Variants in DTWD2 observed in about 807,000 individuals in gnomAD.
DTWD2 encodes DTW motif tRNA-uridine aminocarboxypropyltransferase 2, also known as tRNA-uridine aminocarboxypropyltransferase 2.
DTWD2 carries 39 observed loss-of-function variants against 31.8 expected under a neutral mutation model. That is an observed-to-expected ratio of 1.22 (90% CI 0.95 to 1.60). The LOEUF (loss-of-function observed/expected upper bound fraction) is 1.60. Among genes scored for constraint, DTWD2 ranks in the 40% most tolerant of loss-of-function variants. DTWD2 has a pLI of 0.00. For synonymous variants in DTWD2, 180 were observed against 142.8 expected (o/e 1.26, Z -1.86); for missense variants, 515 against 381.5 (o/e 1.35, Z -2.92).
chr5:118,867,747 C>T (rs898517524), intron 4 of DTWD2, among the ~76,000 whole-genome samples: 1 of 152,004 alleles, frequency 6.6e-6, no homozygotes, highest in African/African-American at 2.4e-5. Flanking sequence ...AACCATAAAC[C>T]ACACTGCTGA....
intron 3 of DTWD2, among the ~76,000 whole-genome samples, chr5:118,929,739 C>CAGT (rs1351131697): frequency 5.9e-5 from 9 of 152,134 alleles, no homozygotes; most frequent in Non-Finnish European, 8.8e-5. Flanking sequence ...GGCTTGCAAA[C>CAGT]AGCAGTAGCC....
At chr5:118,861,449 A>G (rs1313125321) in intron 4 of DTWD2, among the ~76,000 whole-genome samples, 1 of 152,202 alleles carries the variant, frequency 6.6e-6, no homozygotes, top group African/African-American at 2.4e-5. Flanking sequence ...GTATTAAAGT[A>G]TTATCTTTAT....
intron 4 of DTWD2, among the ~76,000 whole-genome samples, chr5:118,912,188 G>A (rs1413949850): frequency 1.3e-5 from 2 of 152,218 alleles, no homozygotes; most frequent in South Asian, 2.1e-4. Flanking sequence ...TTTGATTTGG[G>A]ACACAGATCT....
At chr5:118,936,757 T>C (rs1456908227) in intron 3 of DTWD2, among the ~76,000 whole-genome samples, 1 of 150,204 alleles carries the variant, frequency 6.7e-6, no homozygotes, top group African/African-American at 2.4e-5. Context: ...AAGAAAAAAA[T>C]TGACAATAAA....
chr5:118,906,986 C>T (rs1043888024), intron 4 of DTWD2, among the ~76,000 whole-genome samples: 1 of 152,116 alleles, frequency 6.6e-6, no homozygotes, highest in Admixed American at 6.5e-5. Context: ...AATTATCAGG[C>T]TTTCCAAAGG....
chr5:118,915,572 C>A (rs1306519824), intron 4 of DTWD2, among the ~76,000 whole-genome samples: 1 of 152,094 alleles, frequency 6.6e-6, no homozygotes, highest in Non-Finnish European at 1.5e-5. Context: ...GATGGGGTTT[C>A]ACCATGTTAG....
chr5:118,888,713 T>C (rs1419150696), intron 4 of DTWD2, among the ~76,000 whole-genome samples: 1 of 152,222 alleles, frequency 6.6e-6, no homozygotes, highest in Non-Finnish European at 1.5e-5. Flanking sequence ...TCATTTTACA[T>C]TACCACTAGC....
At position 118,837,752 on chromosome 5, in the gene DTWD2, A is replaced by T. The variant is rs765528055; in HGVS notation, c.*3165T>A. The T allele has an allele frequency of 5.3e-5, 8 of 152,062 alleles. No homozygotes were observed. The highest frequency in any genetic ancestry group is 1.2e-4 in the Non-Finnish European group (8 of 68,024). The allele number at this position is 152,062 out of a possible 1,614,324, so 9.4% of individuals were successfully genotyped here. A position where few individuals can be genotyped will look rare whatever the true frequency, so the allele number is the denominator to read the frequency against. The stretch of plus-strand genomic sequence containing the variant: ...CCCCATCTCCACAAAAATTAAATGA[A>T]ATTAGTAAAATTTAAAATTAGCTGA... On this transcript the variant is annotated 3_prime_UTR_variant, in exon 6 of 6. Coordinates refer to ENST00000510708, the MANE Select transcript of DTWD2 (RefSeq NM_173666.4).
At chr5:118,856,830 T>C (rs889491274) in intron 4 of DTWD2, among the ~76,000 whole-genome samples, 5 of 125,192 alleles carry the variant, frequency 4.0e-5, no homozygotes, top group Non-Finnish European at 7.9e-5. Flanking sequence ...TGGAGTACAA[T>C]GGCGCAATCT....
At chr5:118,978,617 A>G (rs1467949925) in intron 1 of DTWD2, among the ~76,000 whole-genome samples, 1 of 152,240 alleles carries the variant, frequency 6.6e-6, no homozygotes, top group African/African-American at 2.4e-5. Context: ...GCCAACAAAC[A>G]TAAGAAAAAA....
Position 118,841,043 on chromosome 5 carries a change from C to A in DTWD2, c.771G>T (p.Gln257His), listed in dbSNP as rs777441610. The A allele has an allele frequency of 1.9e-6, 3 of 1,613,210 alleles. No individual in the cohort carries two copies. The highest frequency in any genetic ancestry group is 2.7e-5 in the African/African-American group (2 of 74,876). ...PLQALCSFQL[Q>H]HGAQIRLSKE... Reference sequence around the variant, plus strand: ...TGCTGAGGCGAATTTGGGCACCATGCTGAAGTTGAAAGGAGCATAAAGCTT... The same window carrying A: ...TGCTGAGGCGAATTTGGGCACCATGATGAAGTTGAAAGGAGCATAAAGCTT... Residue 257 changes from glutamine to histidine, a missense_variant, in exon 6 of 6, where the codon CAG becomes CAT. Gln to His is a conservative substitution (Grantham distance 24, BLOSUM62 0). Transcript: ENST00000510708.
chr5:118,915,252 A>G (rs1753547949), intron 4 of DTWD2, among the ~76,000 whole-genome samples: 1 of 152,100 alleles, frequency 6.6e-6, no homozygotes, highest in African/African-American at 2.4e-5. Context: ...TGGAAAAAAA[A>G]GCCTGTATCA....
At chr5:118,945,547 C>T (rs1022291165) in intron 1 of DTWD2, among the ~76,000 whole-genome samples, 2 of 151,958 alleles carry the variant, frequency 1.3e-5, no homozygotes, top group Non-Finnish European at 2.9e-5. Flanking sequence ...GGCAGATCAC[C>T]TGAGGTCAAG....
At chr5:118,904,647 A>C (rs940122543) in intron 4 of DTWD2, among the ~76,000 whole-genome samples, 10 of 152,178 alleles carry the variant, frequency 6.6e-5, no homozygotes, top group African/African-American at 2.2e-4. Flanking sequence ...CAAGTTAAGA[A>C]GCAAAAGAAA....
rs10079150 is a variant in DTWD2, at chr5:118,941,675, T to G, written c.310-2385A>C. ...TGTCTTTATAGCAGCATGATTTATA[T>G]TCCTTTGGGTATACACCCAGTAATG... is the stretch of plus-strand genomic sequence containing the variant. On this transcript the variant is annotated intron_variant, in intron 2 of 5. Coordinates refer to ENST00000510708, the MANE Select transcript of DTWD2 (RefSeq NM_173666.4). Among the ~76,000 whole-genome samples the G allele has an allele frequency of 9.3e-3, 1,424 of 152,320 alleles. 15 individuals are homozygous for G. Among genetic ancestry groups the G allele is most frequent in the African/African-American group, 0.016 (680 of 41,558 alleles).
intron 4 of DTWD2, among the ~76,000 whole-genome samples, chr5:118,852,585 T>C (rs984033015): frequency 1.3e-5 from 2 of 152,090 alleles, no homozygotes; most frequent in Non-Finnish European, 2.9e-5. Context: ...AGGAAGAGGT[T>C]ATGGAGAAAA....
intron 4 of DTWD2, among the ~76,000 whole-genome samples, chr5:118,875,499 G>A (rs1032267247): frequency 1.4e-5 from 2 of 147,026 alleles, no homozygotes; most frequent in Non-Finnish European, 3.0e-5. Flanking sequence ...AATAAAGGGA[G>A]GGAGAAAAAT....
At chr5:118,966,452 T>C (rs561944406) in intron 1 of DTWD2, among the ~76,000 whole-genome samples, 3 of 152,302 alleles carry the variant, frequency 2.0e-5, no homozygotes, top group Admixed American at 6.5e-5. Context: ...AAGCATTGAA[T>C]ATCTGTCACC....
chr5:118,898,699 A>G (rs559321937), intron 4 of DTWD2, among the ~76,000 whole-genome samples: 1 of 151,858 alleles, frequency 6.6e-6, no homozygotes, highest in East Asian at 1.9e-4. Context: ...GATAAATTTT[A>G]AAATCTAATA....
Sources: allele counts gnomAD v4.1 joint callset (sites outside exome capture counted in the v4.1 genomes callset), GRCh38; gene constraint gnomAD v4.1.1; transcripts MANE v1.5; gene names NCBI Gene and HGNC (gene_info 2026-07-23, HGNC 2026-07-21).